Variants in PDE9A observed in about 807,000 individuals in gnomAD.
PDE9A encodes the protein phosphodiesterase 9A.
A neutral mutation model predicts 87.4 loss-of-function variants in PDE9A; 60 were observed. The ratio of observed to expected loss-of-function variants is 0.69; its 90% CI spans 0.56 to 0.85. The LOEUF is 0.85. Ranked by LOEUF, PDE9A falls within the 40% of genes least tolerant of loss-of-function variation. The pLI, the probability that PDE9A is intolerant of heterozygous loss-of-function variation, is 0.00. For missense variants in PDE9A, 665 were observed against 779.0 expected, an observed-to-expected ratio of 0.85 and a Z score of 1.74; for synonymous variants, 272 against 279.4, an observed-to-expected ratio of 0.97 and a Z score of 0.27.
intron 1 of PDE9A, among the ~76,000 whole-genome samples, chr21:42,661,250 C>T (rs1019067917): frequency 2.6e-5 from 4 of 151,866 alleles, no homozygotes; most frequent in African/African-American, 9.7e-5. Context: ...AGGCTGGTCT[C>T]GAACTCCTGA....
At chr21:42,770,670 G>T (rs760882199) in intron 17 of PDE9A, 33 bp from the exon 18 acceptor site, 2 of 1,539,464 alleles carry the variant, frequency 1.3e-6, no homozygotes, top group African/African-American at 1.4e-5. Context: ...TTAAGAACGA[G>T]GGACTCTGAA....
Position 42,743,377 on chromosome 21 carries a change from G to T in PDE9A, c.569-399G>T, listed in dbSNP as rs1434063416. On this transcript the variant is annotated intron_variant, in intron 7 of 19. Transcript: ENST00000291539. ...CCGTTCACTGCATTTTAATGCTCTG[G>T]CACCACATGTGCCCCCTTTTCTTTT... 4.6e-5 allele frequency among the ~76,000 whole-genome samples: 7 copies of T among 152,356 alleles called. No individual in the cohort carries two copies. The South Asian group carries it at 1.4e-3, about 32-fold the overall frequency.
intron 3 of PDE9A, among the ~76,000 whole-genome samples, chr21:42,697,702 C>T (rs2060219396): frequency 1.3e-5 from 2 of 152,200 alleles, no homozygotes; most frequent in African/African-American, 4.8e-5. Context: ...TGAGGCAGAG[C>T]AAGAGACAGC....
At chr21:42,735,959 G>T (rs1197900424) in intron 7 of PDE9A, among the ~76,000 whole-genome samples, 1 of 152,118 alleles carries the variant, frequency 6.6e-6, no homozygotes, top group East Asian at 1.9e-4. Context: ...AGGGGTTTGA[G>T]CCAAAGCATG....
At chr21:42,764,970 G>A (rs1255762308) in intron 14 of PDE9A, among the ~76,000 whole-genome samples, 1 of 145,488 alleles carries the variant, frequency 6.9e-6, no homozygotes, top group Non-Finnish European at 1.5e-5. Context: ...GTAAATGCTT[G>A]TGGGGTGGGT....
chr21:42,742,415 T>G (rs2053394630), intron 7 of PDE9A, among the ~76,000 whole-genome samples: 2 of 151,410 alleles, frequency 1.3e-5, no homozygotes, highest in African/African-American at 2.4e-5. Flanking sequence ...GAATGCTGAT[T>G]GATTGGTCAG....
intron 4 of PDE9A, among the ~76,000 whole-genome samples, chr21:42,710,951 C>T (rs895122076): frequency 1.3e-5 from 2 of 152,182 alleles, no homozygotes; most frequent in South Asian, 2.1e-4. Flanking sequence ...TCGCGCCTTG[C>T]ACTCCAGCCT....
chr21:42,739,936 G>A lies in PDE9A; in HGVS notation c.569-3840G>A, dbSNP rs1350671968. ...TTCCTCGGGGGATAAAAAGAAAAAC[G>A]TGAGCTGCGACAGCAGCCACTAACA... On this transcript the variant is annotated intron_variant, in intron 7 of 19. Transcript: ENST00000291539. The surrounding 1 kb of genome is among the most constrained non-coding windows in gnomAD (Gnocchi z 4.1). Among the ~76,000 whole-genome samples the A allele has an allele frequency of 2.6e-5, 4 of 152,220 alleles. No homozygotes were observed. Among genetic ancestry groups the A allele is most frequent in the East Asian group, 1.9e-4 (1 of 5,180 alleles).
rs895856792 is a variant in PDE9A, at chr21:42,709,929, C to T, written c.262+10918C>T. On this transcript the variant is annotated intron_variant, in intron 4 of 19. Coordinates refer to ENST00000291539, the MANE Select transcript of PDE9A (RefSeq NM_002606.3). The stretch of plus-strand genomic sequence containing the variant: ...TTGCACTGCTGAGCACTGCATGCCT[C>T]GCTCATTCATTCTTCTGTGGAGGGA... 2.6e-5 allele frequency among the ~76,000 whole-genome samples: 4 copies of T among 152,292 alleles called. No homozygotes were observed. In the South Asian group the frequency reaches 8.3e-4, roughly 32 times the overall value.
intron 8 of PDE9A, among the ~76,000 whole-genome samples, chr21:42,745,316 G>T (rs1002713332): frequency 2.6e-5 from 4 of 152,216 alleles, no homozygotes; most frequent in Non-Finnish European, 4.4e-5. Context: ...ACCGTGCCAC[G>T]TGTCTGTCCC....
intron 1 of PDE9A, among the ~76,000 whole-genome samples, chr21:42,670,252 CAT>C (rs2058376337): frequency 4.7e-5 from 7 of 148,766 alleles, no homozygotes; most frequent in South Asian, 2.1e-4. Flanking sequence ...CATACACATA[CAT>C]ACATTCACAC....
intron 9 of PDE9A, among the ~76,000 whole-genome samples, chr21:42,752,105 G>A (rs757183323): frequency 2.0e-5 from 3 of 152,128 alleles, no homozygotes; most frequent in Non-Finnish European, 4.4e-5. Context: ...AGACAGCAGA[G>A]GCCTGGGCTA....
At chr21:42,662,823 A>G (rs1490341045) in intron 1 of PDE9A, among the ~76,000 whole-genome samples, 2 of 135,262 alleles carry the variant, frequency 1.5e-5, no homozygotes, top group Non-Finnish European at 3.1e-5. Flanking sequence ...ACGCACACAC[A>G]CGCACACACC....
At chr21:42,672,710 T>G (rs750638007) in intron 1 of PDE9A, among the ~76,000 whole-genome samples, 3 of 152,250 alleles carry the variant, frequency 2.0e-5, no homozygotes, top group African/African-American at 7.2e-5. Context: ...CCGTCGAGTT[T>G]GGTTTCTTGT....
chr21:42,673,533 C>T (rs932463043), intron 1 of PDE9A, among the ~76,000 whole-genome samples: 4 of 152,322 alleles, frequency 2.6e-5, no homozygotes, highest in East Asian at 3.9e-4. Context: ...ATTGTGATAC[C>T]GTCCTAACAT....
At chr21:42,707,671 A>C (rs2048954538) in intron 4 of PDE9A, among the ~76,000 whole-genome samples, 1 of 151,774 alleles carries the variant, frequency 6.6e-6, no homozygotes, top group Non-Finnish European at 1.5e-5. Context: ...TCCAACTAAG[A>C]ACCTTAGACT....
chr21:42,743,765 T>C lies in PDE9A; in HGVS notation c.569-11T>C, dbSNP rs1602410390. 9 of 1,554,934 alleles carry C rather than the reference T, an allele frequency of 5.8e-6. No homozygotes were observed. The East Asian group carries it at 1.4e-4, about 24-fold the overall frequency. On this transcript the variant is annotated splice_polypyrimidine_tract_variant and intron_variant, in intron 7 of 19. Coordinates refer to ENST00000291539, the MANE Select transcript of PDE9A (RefSeq NM_002606.3). ...TGGTAACCCCCTTGCTGTCTCTCTC[T>C]CTGTCACCAGTGGAAGGACTAAAAG... is the stretch of plus-strand genomic sequence containing the variant.
At chr21:42,765,548 G>T in intron 15 of PDE9A, 54 bp downstream of exon 15, 1 of 935,308 alleles carries the variant, frequency 1.1e-6, no homozygotes, top group Non-Finnish European at 1.8e-6. Flanking sequence ...TGGCGAAGCA[G>T]GTCATCCATC....
intron 4 of PDE9A, among the ~76,000 whole-genome samples, chr21:42,710,880 C>T (rs1165861351): frequency 2.6e-5 from 4 of 152,028 alleles, no homozygotes; most frequent in Admixed American, 2.0e-4. Context: ...CCCAGGTACT[C>T]GAGAGGCTGA....
Sources: allele counts gnomAD v4.1 joint callset (sites outside exome capture counted in the v4.1 genomes callset), GRCh38; gene constraint gnomAD v4.1.1; non-coding constraint Gnocchi (gnomAD v3.1); transcripts MANE v1.5; gene names NCBI Gene and HGNC (gene_info 2026-07-23, HGNC 2026-07-21).